Variants in DBX1 observed in about 807,000 individuals in gnomAD.
DBX1 encodes the protein developing brain homeobox 1.
Under a neutral mutation model 20.8 loss-of-function variants are expected in DBX1, and 10 were observed. The ratio of observed to expected loss-of-function variants is 0.48; its 90% confidence interval spans 0.30 to 0.82. The LOEUF is 0.82. DBX1 is among the 40% of genes least tolerant of loss of function. The probability of loss-of-function intolerance (pLI) is 0.07; values close to 1 mark genes in which losing one functional copy is unlikely to be tolerated. For synonymous variants in DBX1, 241 were observed against 213.9 expected, an observed-to-expected ratio of 1.13 and a Z score of -1.11; for missense variants, 505 against 468.8, an observed-to-expected ratio of 1.08 and a Z score of -0.71.
At position 20,156,455 on chromosome 11, in the gene DBX1, T is replaced by C; in HGVS notation, c.791A>G (p.Asp264Gly). 6.2e-7 allele frequency: 1 copy of C among 1,612,354 alleles called. No individual in the cohort carries two copies. Among genetic ancestry groups the C allele is most frequent in the Non-Finnish European group, 8.5e-7 (1 of 1,179,264 alleles). Residue 264 changes from aspartate to glycine, a missense_variant, in exon 4 of 4, where the codon GAC (aspartate) becomes GGC (glycine). By Grantham distance (94) the Asp-to-Gly change is moderately conservative. Transcript: ENST00000524983. This position sits in a 1 kb window ranked among gnomAD's most constrained non-coding sequence, Gnocchi z 4.8. ...TLPTKLNPHPDLSDVGQKGPG... is the reference protein window; with the variant it reads ...TLPTKLNPHPGLSDVGQKGPG... ...GCCCTTCTGGCCCACGTCGCTGAGG[T>C]CCGGGTGCGGATTGAGCTTGGTGGG...
rs2063654656 is a variant in DBX1 at position 20,156,241 on chromosome 11, C to A, written c.1005G>T (p.Glu335Asp). The change falls in exon 4 of 4, where the codon GAG (glutamate) becomes GAT (aspartate). Residue 335 changes from glutamate (E) to aspartate (D), a missense_variant. Physicochemically the swap from Glu to Asp is conservative, Grantham distance 45. Coordinates refer to ENST00000524983, the MANE Select transcript of DBX1 (RefSeq NM_001029865.4). This position sits in a 1 kb window ranked among gnomAD's most constrained non-coding sequence, Gnocchi z 4.8. ...FSDSEEEEEG[E>D]EQEEITVS is the part of the protein sequence containing the mutation. ...AGGACACGGTGATTTCCTCCTGTTC[C>A]TCGCCCTCCTCTTCCTCCTCGGAAT... The A allele has an allele frequency of 6.6e-7, 1 of 1,520,302 alleles. No homozygotes were observed. The highest frequency in any genetic ancestry group is 8.8e-7 in the Non-Finnish European group (1 of 1,136,304). The allele number at this position is 1,520,302 out of a possible 1,614,324, so 94.2% of individuals were successfully genotyped here.
Position 20,156,513 on chromosome 11 carries a change from G to T in DBX1, c.733C>A (p.Leu245Met), listed in dbSNP as rs932734568. The T allele has an allele frequency of 1.9e-6, 3 of 1,613,908 alleles. No individual in the cohort carries two copies. In the African/African-American group the frequency reaches 4.0e-5, roughly 22 times the overall value. Residue 245 changes from leucine (L) to methionine (M), a missense_variant, in exon 4 of 4, where the codon CTG (leucine) becomes ATG (methionine). Transcript: ENST00000524983. This position sits in a 1 kb window ranked among gnomAD's most constrained non-coding sequence, Gnocchi z 4.8. Reference protein sequence around the residue: ...KWRNSKERELLSSGGCREQTL... With the variant: ...KWRNSKERELMSSGGCREQTL... ...TGCTCGCGACAGCCCCCGCTAGACA[G>T]GAGTTCGCGCTCCTTGGAGTTCCGC... is the stretch of plus-strand genomic sequence containing the variant.
intron 2 of DBX1, among the ~76,000 whole-genome samples, chr11:20,158,162 A>C (rs1366140229): frequency 7.2e-6 from 1 of 139,490 alleles, no homozygotes; most frequent in African/African-American, 2.7e-5. Flanking sequence ...CATTGAGATG[A>C]GGGAGAAAGG....
intron 2 of DBX1, among the ~76,000 whole-genome samples, chr11:20,157,565 T>C (rs1350892535): frequency 1.3e-5 from 2 of 152,020 alleles, no homozygotes; most frequent in African/African-American, 2.4e-5. Flanking sequence ...ATAGAAAAAA[T>C]AAATTACTAA....
chr11:20,156,743 C>G lies in DBX1; in HGVS notation c.673-170G>C, dbSNP rs1305321683. On this transcript the variant is annotated intron_variant, in intron 3 of 3. Transcript: ENST00000524983. The surrounding 1 kb of genome is among the most constrained non-coding windows in gnomAD (Gnocchi z 4.8). ...GGTGGATTCCCGCATTGACTCCGCC[C>G]CCGCCTCAGCTCGCGGTTCCGTTTG... 1.8e-6 allele frequency: 2 copies of G among 1,089,842 alleles called. No individual in the cohort carries two copies. The highest frequency in any genetic ancestry group is 1.5e-5 in the African/African-American group (1 of 65,000). 67.5% of individuals were successfully genotyped at this position (1,089,842 alleles called of 1,614,324 possible).
Position 20,157,256 on chromosome 11 carries a change from G to A in DBX1, c.470-17C>T, listed in dbSNP as rs2063664822. 1 of 1,545,438 alleles carries A rather than the reference G, an allele frequency of 6.5e-7. No homozygotes were observed. The highest frequency in any genetic ancestry group is 8.7e-7 in the Non-Finnish European group (1 of 1,148,628). ...TGGAGGAAGCTGCAGGGTGGGGGGA[G>A]GTGGCGAGTGAGTGGGCGTACGCCC... On this transcript the variant is annotated splice_polypyrimidine_tract_variant and intron_variant, in intron 2 of 3. Coordinates refer to ENST00000524983, the MANE Select transcript of DBX1 (RefSeq NM_001029865.4).
At position 20,160,294 on chromosome 11, in the gene DBX1, CG is replaced by C. The variant is rs750016702; in HGVS notation, c.30del (p.Ala11ProfsTer13). The C allele has an allele frequency of 1.3e-6, 2 of 1,527,240 alleles. No individual in the cohort carries two copies. The highest frequency in any genetic ancestry group is 8.8e-7 in the Non-Finnish European group (1 of 1,138,934). The allele number at this position is 1,527,240 out of a possible 1,614,324, so 94.6% of individuals were successfully genotyped here. A position where few individuals can be genotyped will look rare whatever the true frequency, so the allele number is the denominator to read the frequency against. On this transcript the variant is annotated frameshift_variant, in exon 1 of 4. Transcript: ENST00000524983. LOFTEE classifies it high-confidence loss of function. ...GGCCGCAGGAGGCTAGGGTACCCGG[CG>C]GGGGGCGCGAGGAGGCCGGGGAACA... MMFPGLLAP[P>X]AGYPSLLRPT... is the part of the protein sequence containing the mutation.
intron 1 of DBX1, 146 bp downstream of exon 1, chr11:20,159,812 G>T: frequency 2.6e-6 from 3 of 1,148,158 alleles, no homozygotes; most frequent in Non-Finnish European, 3.7e-6. Context: ...TTCTCACATT[G>T]CCTGACGTAG....
rs1453517866 is a variant in DBX1 at position 20,156,502 on chromosome 11, C to T, written c.744G>A (p.Gly248=). 3 of 1,613,960 alleles carry T rather than the reference C, an allele frequency of 1.9e-6. No homozygotes were observed. Among genetic ancestry groups the T allele is most frequent in the Admixed American group, 3.3e-5 (2 of 60,034 alleles). Residue 248 remains glycine (G), a synonymous_variant, in exon 4 of 4, where the codon GGG becomes GGA. Transcript: ENST00000524983. This position sits in a 1 kb window ranked among gnomAD's most constrained non-coding sequence, Gnocchi z 4.8. The part of the protein sequence containing the change: ...NSKERELLSS[G]GCREQTLPTK... Reference sequence around the variant, plus strand: ...TGGGCAGGGTCTGCTCGCGACAGCCCCCGCTAGACAGGAGTTCGCGCTCCT... The same window carrying T: ...TGGGCAGGGTCTGCTCGCGACAGCCTCCGCTAGACAGGAGTTCGCGCTCCT...
chr11:20,158,257 A>T (rs867651470), intron 2 of DBX1, among the ~76,000 whole-genome samples: 1 of 31,282 alleles, frequency 3.2e-5, no homozygotes, highest in Non-Finnish European at 5.8e-5. Flanking sequence ...GGGTGGGGGG[A>T]GGGCGAATTA....
chr11:20,160,117 C>T lies in DBX1; in HGVS notation c.208G>A (p.Ala70Thr), dbSNP rs1259552839. Residue 70 changes from alanine (A) to threonine (T), a missense_variant, in exon 1 of 4, where the codon GCC becomes ACC. Physicochemically the swap from Ala to Thr is moderately conservative, Grantham distance 58 (BLOSUM62 0). Transcript: ENST00000524983. ...CCCGTGTCGGTGAGGGCCGTGGGGG[C>T]CCCCTGCCTGGGCGGCGACATGCTG... ...TASMSPPRQGAPTALTDTGAS... is the reference protein window; with the variant it reads ...TASMSPPRQGTPTALTDTGAS... 6.5e-7 allele frequency: 1 copy of T among 1,549,680 alleles called. No homozygotes were observed. Among genetic ancestry groups the T allele is most frequent in the Non-Finnish European group, 8.7e-7 (1 of 1,146,178 alleles).
At position 20,156,938 on chromosome 11, in the gene DBX1, T is replaced by G. The variant is rs1344409742; in HGVS notation, c.672+99A>C. The G allele has an allele frequency of 8.1e-7, 1 of 1,228,764 alleles. No individual in the cohort carries two copies. The highest frequency in any genetic ancestry group is 1.1e-6 in the Non-Finnish European group (1 of 882,256). 76.1% of individuals were successfully genotyped at this position (1,228,764 alleles called of 1,614,324 possible). On this transcript the variant is annotated intron_variant, in intron 3 of 3. Transcript: ENST00000524983. This position sits in a 1 kb window ranked among gnomAD's most constrained non-coding sequence, Gnocchi z 4.8. ...GGCCTCGGTTTTCCCATCTGTACAG[T>G]GGGACCTAAGCCGTTTCCGAACCCT...
Position 20,160,403 on chromosome 11 carries a change from C to G in DBX1, c.-79G>C. On this transcript the variant is annotated 5_prime_UTR_variant, in exon 1 of 4. Transcript: ENST00000524983. ...CCTCGCTTCCCGCCCCTCCCGCCCCCACAGTGTCCTCTCTCTTGGGCTTAG... is the reference window on the plus strand; with the variant it reads ...CCTCGCTTCCCGCCCCTCCCGCCCCGACAGTGTCCTCTCTCTTGGGCTTAG... The G allele has an allele frequency of 1.4e-6, 2 of 1,433,754 alleles. No individual in the cohort carries two copies. The highest frequency in any genetic ancestry group is 2.5e-5 in the East Asian group (1 of 39,338). The allele number at this position is 1,433,754 out of a possible 1,614,324, so 88.8% of individuals were successfully genotyped here.
intron 2 of DBX1, 100 bp downstream of exon 2, chr11:20,159,091 C>T: frequency 2.4e-6 from 2 of 848,788 alleles, no homozygotes; most frequent in South Asian, 1.5e-5. Flanking sequence ...AGAGCATAAC[C>T]CCGAGGGGTG....
rs757464120 is a variant in DBX1, at chr11:20,159,985, C to T, written c.340G>A (p.Ala114Thr). Residue 114 changes from alanine (A) to threonine (T), a missense_variant, in exon 1 of 4, where the codon GCC becomes ACC. Ala to Thr is a moderately conservative substitution (Grantham distance 58, BLOSUM62 0). Transcript: ENST00000524983. ...GTTCTGGGCCCCGAGGAGAGGATGG[C>T]GTTCACTCCAAACTTCAGAAACGTC... ...ETTFLKFGVN[A>T]ILSSGPRTET... 1 of 1,613,886 alleles carries T rather than the reference C, an allele frequency of 6.2e-7. No individual in the cohort carries two copies. Among genetic ancestry groups the T allele is most frequent in the Non-Finnish European group, 8.5e-7 (1 of 1,179,984 alleles).
Position 20,157,005 on chromosome 11 carries a change from C to CGG in DBX1, c.672+30_672+31dup. ...GCCGGGGAGGGGTGAAGGGCGGGGG[C>CGG]GGGGGGGGTGCTGTGGAGGAAATGC... is the stretch of plus-strand genomic sequence containing the variant. On this transcript the variant is annotated intron_variant, in intron 3 of 3. Coordinates refer to ENST00000524983, the MANE Select transcript of DBX1 (RefSeq NM_001029865.4). 2.6e-6 allele frequency: 4 copies of CGG among 1,543,436 alleles called. No homozygotes were observed. In the South Asian group the frequency reaches 3.4e-5, roughly 13 times the overall value.
In DBX1 at chr11:20,160,174, G is replaced by T; in HGVS notation, c.151C>A (p.Pro51Thr). 6.5e-7 allele frequency: 1 copy of T among 1,548,052 alleles called. No individual in the cohort carries two copies. ...GGCACGCTGCGGGGCAGGTAGGCGG[G>T]GGGTCGGCTGATGCGGATCAGATCC... is the stretch of plus-strand genomic sequence containing the variant. ...VEDLIRISRP[P>T]AYLPRSVPTA... Residue 51 changes from proline (P) to threonine (T), a missense_variant, in exon 1 of 4, where the codon CCC becomes ACC. By Grantham distance (38) the Pro-to-Thr change is conservative (BLOSUM62 -1). Coordinates refer to ENST00000524983, the MANE Select transcript of DBX1 (RefSeq NM_001029865.4).
chr11:20,156,668 G>A lies in DBX1; in HGVS notation c.673-95C>T, dbSNP rs745606084. On this transcript the variant is annotated intron_variant, in intron 3 of 3. Transcript: ENST00000524983. This position sits in a 1 kb window ranked among gnomAD's most constrained non-coding sequence, Gnocchi z 4.8. ...GGGGCGGGGAGTGGAGTCGGGTGCA[G>A]GCTCTGTCCTTCGGGCTGTGTCCTC... The A allele has an allele frequency of 6.4e-6, 10 of 1,561,654 alleles. No homozygotes were observed. The highest frequency in any genetic ancestry group is 1.1e-5 in the South Asian group (1 of 89,344).
chr11:20,156,668 G>C lies in DBX1; in HGVS notation c.673-95C>G. On this transcript the variant is annotated intron_variant, in intron 3 of 3. Transcript: ENST00000524983. The surrounding 1 kb of genome is among the most constrained non-coding windows in gnomAD (Gnocchi z 4.8). ...GGGGCGGGGAGTGGAGTCGGGTGCA[G>C]GCTCTGTCCTTCGGGCTGTGTCCTC... is the stretch of plus-strand genomic sequence containing the variant. 2 of 1,561,654 alleles carry C rather than the reference G, an allele frequency of 1.3e-6. No individual in the cohort carries two copies. Among genetic ancestry groups the C allele is most frequent in the Non-Finnish European group, 1.8e-6 (2 of 1,134,856 alleles).
Sources: allele counts gnomAD v4.1 joint callset (sites outside exome capture counted in the v4.1 genomes callset), GRCh38; gene constraint gnomAD v4.1.1; non-coding constraint Gnocchi (gnomAD v3.1); transcripts MANE v1.5; gene names NCBI Gene and HGNC (gene_info 2026-07-23, HGNC 2026-07-21).